The following DNM2 variants were observed in gnomAD, a reference collection of about 807,000 sequenced individuals.
DNM2 encodes dynamin 2.
A neutral mutation model predicts 99.0 loss-of-function variants in DNM2; 15 were observed. The observed-to-expected ratio is 0.15, with a 90% confidence interval of 0.10 to 0.23. The LOEUF (loss-of-function observed/expected upper bound fraction) is 0.23. Among genes scored for constraint, DNM2 ranks in the 10% least tolerant of loss-of-function variants. The pLI, the probability that DNM2 is intolerant of heterozygous loss-of-function variation, is 1.00. For synonymous variants in DNM2, 525 were observed against 481.2 expected (o/e 1.09, Z -1.19); for missense variants, 742 against 1,189.4 (o/e 0.62, Z 5.53).
intron 10 of DNM2, 87 bp downstream of exon 10, chr19:10,797,605 C>G: frequency 6.2e-7 from 1 of 1,602,208 alleles, no homozygotes; most frequent in African/African-American, 1.3e-5. Context: ...GAAAATTCAG[C>G]CTCGGCAGGA....
intron 1 of DNM2, among the ~76,000 whole-genome samples, chr19:10,758,978 A>G (rs758496013): frequency 6.6e-5 from 10 of 151,226 alleles, no homozygotes; most frequent in African/African-American, 2.2e-4. Context: ...GTCTCGCTCT[A>G]TTGCCTAAGC....
At chr19:10,802,958 T>C (rs1328992981) in intron 12 of DNM2, among the ~76,000 whole-genome samples, 1 of 152,040 alleles carries the variant, frequency 6.6e-6, no homozygotes, top group Non-Finnish European at 1.5e-5. Context: ...CTCACTCAGA[T>C]TGTTGGAGAG....
At chr19:10,729,068 G>GCCAA in intron 1 of DNM2, among the ~76,000 whole-genome samples, 1 of 122,780 alleles carries the variant, frequency 8.1e-6, no homozygotes, top group Non-Finnish European at 1.8e-5. Flanking sequence ...TAAAAATATA[G>GCCAA]GCAGGAGAAT....
intron 11 of DNM2, among the ~76,000 whole-genome samples, chr19:10,799,087 C>T (rs997100903): frequency 5.9e-5 from 9 of 152,250 alleles, no homozygotes; most frequent in Non-Finnish European, 8.8e-5. Context: ...ATTAGCCAGG[C>T]GTGGTGGCGC....
At chr19:10,757,438 G>C (rs1388128505) in intron 1 of DNM2, among the ~76,000 whole-genome samples, 1 of 152,194 alleles carries the variant, frequency 6.6e-6, no homozygotes, top group African/African-American at 2.4e-5. Flanking sequence ...CTGAGAAACA[G>C]GTCTTCTGGA....
At chr19:10,824,007 T>G in intron 17 of DNM2, 108 bp downstream of exon 17, 1 of 1,049,968 alleles carries the variant, frequency 9.5e-7, no homozygotes, top group Non-Finnish European at 1.4e-6. Flanking sequence ...GCCAGGAGTC[T>G]CTGAAATCAT....
At position 10,749,925 on chromosome 19, in the gene DNM2, C is replaced by T. The variant is rs145402850; in HGVS notation, c.162-9813C>T. Among the ~76,000 whole-genome samples the T allele has an allele frequency of 5.3e-3, 802 of 152,266 alleles. 7 individuals are homozygous for T. Among genetic ancestry groups the T allele is most frequent in the African/African-American group, 0.019 (778 of 41,566 alleles). On this transcript the variant is annotated intron_variant, in intron 1 of 20. Transcript: ENST00000389253. ...GAGGGTTTCCTGGCAGAGGGAACAC[C>T]CCCTGCAAAGGCCTGAAGGCCAGCA...
chr19:10,808,004 A>C (rs2072410910), intron 13 of DNM2, among the ~76,000 whole-genome samples: 1 of 150,466 alleles, frequency 6.6e-6, no homozygotes, highest in Admixed American at 6.7e-5. Flanking sequence ...TTAGCCTGGC[A>C]TGATGGTGGG....
chr19:10,827,110 C>T (rs1261432838), intron 18 of DNM2, among the ~76,000 whole-genome samples: 2 of 152,172 alleles, frequency 1.3e-5, no homozygotes, highest in Admixed American at 6.5e-5. Flanking sequence ...ACACCTCCCA[C>T]GTGCCATGCC....
At chr19:10,794,498 G>A (rs894856257) in intron 8 of DNM2, among the ~76,000 whole-genome samples, 39 of 152,246 alleles carry the variant, frequency 2.6e-4, no homozygotes, top group Admixed American at 6.5e-4. Context: ...CCTATAATCC[G>A]TGGGAGGCCA....
At chr19:10,774,254 AT>A (rs993703644) in intron 3 of DNM2, among the ~76,000 whole-genome samples, 1 of 152,188 alleles carries the variant, frequency 6.6e-6, no homozygotes, top group African/African-American at 2.4e-5. Context: ...GCAGTGAGCT[AT>A]GATCACATCT....
In DNM2 at chr19:10,831,239, C is replaced by T; in HGVS notation, c.*192C>T. The T allele has an allele frequency of 7.5e-7, 1 of 1,328,812 alleles. No individual in the cohort carries two copies. Among genetic ancestry groups the T allele is most frequent in the Middle Eastern group, 2.8e-4 (1 of 3,540 alleles). The allele number at this position is 1,328,812 out of a possible 1,614,324, so 82.3% of individuals were successfully genotyped here. On this transcript the variant is annotated 3_prime_UTR_variant, in exon 21 of 21. Transcript: ENST00000389253. The surrounding 1 kb of genome is among the most constrained non-coding windows in gnomAD (Gnocchi z 4.3). ...CTGGACACCGCACTGCGCAAAGGGGCCCTGGAGCTCCAGGCAGGGGGCGCT... is the reference window on the plus strand; with the variant it reads ...CTGGACACCGCACTGCGCAAAGGGGTCCTGGAGCTCCAGGCAGGGGGCGCT...
At position 10,816,944 on chromosome 19, in the gene DNM2, G is replaced by A. The variant is rs906737433; in HGVS notation, c.1672-3036G>A. Among the ~76,000 whole-genome samples the A allele has an allele frequency of 5.3e-5, 8 of 152,186 alleles. No homozygotes were observed. The highest frequency in any genetic ancestry group is 2.0e-4 in the Admixed American group (3 of 15,288). ...GGAGTCTGGAGCAGCAGTGGGAGAA[G>A]GGCCGGGCGCCGGCCGTAATGAGAA... On this transcript the variant is annotated intron_variant, in intron 15 of 20. Transcript: ENST00000389253. The surrounding 1 kb of genome is among the most constrained non-coding windows in gnomAD (Gnocchi z 4.6).
At position 10,795,121 on chromosome 19, in the gene DNM2, A is replaced by G. The variant is rs558972684; in HGVS notation, c.1129-251A>G. 1.3e-5 allele frequency among the ~76,000 whole-genome samples: 2 copies of G among 152,072 alleles called. No homozygotes were observed. Among genetic ancestry groups the G allele is most frequent in the East Asian group, 3.9e-4 (2 of 5,186 alleles). ...TTTTTAGTAGAGATGGGGTCTCACTATGTTGCCCAGGCTGGTCTCAAACTC... is the reference window on the plus strand; with the variant it reads ...TTTTTAGTAGAGATGGGGTCTCACTGTGTTGCCCAGGCTGGTCTCAAACTC... On this transcript the variant is annotated intron_variant, in intron 8 of 20. Coordinates refer to ENST00000389253, the MANE Select transcript of DNM2 (RefSeq NM_001005361.3). This position sits in a 1 kb window ranked among gnomAD's most constrained non-coding sequence, Gnocchi z 4.2.
intron 1 of DNM2, chr19:10,755,145 A>T (rs1416243848): frequency 6.6e-6 from 1 of 152,244 alleles, no homozygotes; most frequent in African/African-American, 2.4e-5. Flanking sequence ...CTTTATTTGT[A>T]ATAAATTCAA....
chr19:10,726,510 C>T (rs771931427), intron 1 of DNM2, among the ~76,000 whole-genome samples: 4 of 152,124 alleles, frequency 2.6e-5, no homozygotes, highest in Admixed American at 6.6e-5. Context: ...CCTGAAATAT[C>T]GACCAGAAGT....
rs1421726279 is a variant in DNM2, at chr19:10,816,307, G to A, written c.1672-3673G>A. 6.6e-6 allele frequency among the ~76,000 whole-genome samples: 1 copy of A among 152,180 alleles called. No homozygotes were observed. The highest frequency in any genetic ancestry group is 2.4e-5 in the African/African-American group (1 of 41,446). The stretch of plus-strand genomic sequence containing the variant: ...GAGGCCAGACGCTCATCTCTGGAAT[G>A]TTCCTGAAACCTCAGGAGCCCTGAG... On this transcript the variant is annotated intron_variant, in intron 15 of 20. Coordinates refer to ENST00000389253, the MANE Select transcript of DNM2 (RefSeq NM_001005361.3). This position sits in a 1 kb window ranked among gnomAD's most constrained non-coding sequence, Gnocchi z 4.6.
intron 7 of DNM2, among the ~76,000 whole-genome samples, chr19:10,790,867 G>A (rs2071732067): frequency 6.6e-6 from 1 of 151,728 alleles, no homozygotes; most frequent in African/African-American, 2.4e-5. Flanking sequence ...TTGGGCTCAG[G>A]TGATCCTCCC....
Position 10,795,348 on chromosome 19 carries a change from T to C in DNM2, c.1129-24T>C, listed in dbSNP as rs1322303389. ...GGGGCGCCCCGGGTGCCTCCATGCA[T>C]GTGCTTGGTTTGTCTCTTCTCAGAT... On this transcript the variant is annotated intron_variant, in intron 8 of 20. Coordinates refer to ENST00000389253, the MANE Select transcript of DNM2 (RefSeq NM_001005361.3). The surrounding 1 kb of genome is among the most constrained non-coding windows in gnomAD (Gnocchi z 4.2). 1.2e-6 allele frequency: 2 copies of C among 1,613,992 alleles called. No homozygotes were observed. Among genetic ancestry groups the C allele is most frequent in the South Asian group, 1.1e-5 (1 of 91,076 alleles).
Sources: allele counts gnomAD v4.1 joint callset (sites outside exome capture counted in the v4.1 genomes callset), GRCh38; gene constraint gnomAD v4.1.1; non-coding constraint Gnocchi (gnomAD v3.1); transcripts MANE v1.5; gene names NCBI Gene and HGNC (gene_info 2026-07-23, HGNC 2026-07-21).